CCSER1: variants seen among roughly 807,000 people sequenced by gnomAD.
CCSER1 encodes coiled-coil serine rich protein 1.
In CCSER1, 41 loss-of-function variants were observed where a neutral mutation model predicts 82.0. That is an observed-to-expected ratio of 0.50 (90% CI 0.39 to 0.65). The LOEUF (loss-of-function observed/expected upper bound fraction) is 0.65. Ranked by LOEUF, CCSER1 falls within the 30% of genes least tolerant of loss-of-function variation. The probability of loss-of-function intolerance (pLI) is 0.00; values close to 1 mark genes in which losing one functional copy is unlikely to be tolerated. For synonymous variants in CCSER1, 414 were observed against 383.9 expected (o/e 1.08, Z -0.92); for missense variants, 1,119 against 1,064.2 (o/e 1.05, Z -0.72).
chr4:90,688,262 T>C (rs17183170), intron 6 of CCSER1, among the ~76,000 whole-genome samples: 69,787 of 151,838 alleles, frequency 0.46, 16,436 homozygotes, highest in Middle Eastern at 0.58. Context: ...CCCTTATGCA[T>C]TCTGTATCCT....
intron 5 of CCSER1, among the ~76,000 whole-genome samples, chr4:90,507,927 A>T (rs2153615242): frequency 6.6e-6 from 1 of 152,008 alleles, no homozygotes; most frequent in South Asian, 2.1e-4. Flanking sequence ...GATATTTTAT[A>T]TTTTATATGG....
intron 5 of CCSER1, among the ~76,000 whole-genome samples, chr4:90,494,352 T>A (rs1441920687): frequency 6.6e-6 from 1 of 152,158 alleles, no homozygotes; most frequent in Non-Finnish European, 1.5e-5. Flanking sequence ...ATTAGACAGA[T>A]CCACGAGACA....
chr4:91,026,246 T>G (rs537732406), intron 9 of CCSER1, among the ~76,000 whole-genome samples: 11 of 152,218 alleles, frequency 7.2e-5, no homozygotes, highest in Admixed American at 4.6e-4. Context: ...AACTTTGCCA[T>G]TGTTCCTTTT....
intron 10 of CCSER1, among the ~76,000 whole-genome samples, chr4:91,519,199 T>C (rs963081594): frequency 1.3e-5 from 2 of 152,114 alleles, no homozygotes; most frequent in Non-Finnish European, 2.9e-5. Context: ...TGGAGAACAG[T>C]CCTGCCACTT....
chr4:90,411,245 A>G (rs1414957058), intron 4 of CCSER1, among the ~76,000 whole-genome samples: 1 of 152,188 alleles, frequency 6.6e-6, no homozygotes, highest in African/African-American at 2.4e-5. Context: ...ATCAATAGAA[A>G]AAGAGGGAAT....
intron 10 of CCSER1, among the ~76,000 whole-genome samples, chr4:91,432,121 C>A (rs1033739907): frequency 2.6e-5 from 4 of 152,070 alleles, no homozygotes; most frequent in African/African-American, 9.7e-5. Flanking sequence ...CCCCATCCAC[C>A]CCCTCTTGCT....
chr4:91,249,362 A>G (rs1392519932), intron 10 of CCSER1, among the ~76,000 whole-genome samples: 2 of 151,728 alleles, frequency 1.3e-5, no homozygotes, highest in African/African-American at 4.8e-5. Context: ...AGATGTGACT[A>G]CAAAAGAAAA....
intron 7 of CCSER1, among the ~76,000 whole-genome samples, chr4:90,810,458 G>C (rs1758107188): frequency 6.6e-6 from 1 of 152,086 alleles, no homozygotes; most frequent in Non-Finnish European, 1.5e-5. Flanking sequence ...GGCCAGCCTG[G>C]CCAACATGGT....
At chr4:91,016,412 T>A (rs36074312) in intron 9 of CCSER1, among the ~76,000 whole-genome samples, 8,236 of 152,082 alleles carry the variant, frequency 0.054, 249 homozygotes, top group Middle Eastern at 0.083. Context: ...TTAAATATGC[T>A]ACAGACTTCA....
At chr4:90,447,281 G>A (rs529156882) in intron 4 of CCSER1, among the ~76,000 whole-genome samples, 4 of 152,082 alleles carry the variant, frequency 2.6e-5, no homozygotes, top group African/African-American at 7.2e-5. Flanking sequence ...TAAATATGTA[G>A]TGGTGCAAAA....
At chr4:90,807,923 A>C (rs1344208193) in intron 7 of CCSER1, among the ~76,000 whole-genome samples, 1 of 152,216 alleles carries the variant, frequency 6.6e-6, no homozygotes, top group Non-Finnish European at 1.5e-5. Context: ...GAACCAAAAA[A>C]GAGTGCTAAT....
At chr4:90,757,100 A>G (rs1749655718) in intron 7 of CCSER1, among the ~76,000 whole-genome samples, 2 of 152,078 alleles carry the variant, frequency 1.3e-5, no homozygotes, top group South Asian at 4.1e-4. Flanking sequence ...TATTTGTCTC[A>G]CTTTTGAAAT....
At chr4:91,533,440 A>G (rs1761135979) in intron 10 of CCSER1, among the ~76,000 whole-genome samples, 1 of 152,162 alleles carries the variant, frequency 6.6e-6, no homozygotes, top group African/African-American at 2.4e-5. Context: ...TTTCTTCTTT[A>G]TCCTTCCCAA....
chr4:90,133,339 A>G (rs1445032959), intron 1 of CCSER1, among the ~76,000 whole-genome samples: 1 of 152,222 alleles, frequency 6.6e-6, no homozygotes, highest in Non-Finnish European at 1.5e-5. Flanking sequence ...TTAACTGGAT[A>G]GTAATGACTG....
intron 7 of CCSER1, chr4:90,781,637 C>G: frequency 3.1e-6 from 3 of 972,488 alleles, no homozygotes; most frequent in South Asian, 9.5e-5. Context: ...TTTCTGTGTT[C>G]TCTTGAAAGT....
chr4:90,156,323 G>A (rs1178203874), intron 1 of CCSER1, among the ~76,000 whole-genome samples: 4 of 152,172 alleles, frequency 2.6e-5, no homozygotes, highest in African/African-American at 9.7e-5. Context: ...TAGGTATGGT[G>A]TGGTGCTGAA....
chr4:90,207,950 G>A (rs1262526863), intron 1 of CCSER1, among the ~76,000 whole-genome samples: 6 of 152,308 alleles, frequency 3.9e-5, no homozygotes, highest in African/African-American at 1.2e-4. Context: ...GCTGGGAGGT[G>A]TCTCCCAGTC....
At chr4:90,228,837 G>C (rs1199546801) in intron 1 of CCSER1, among the ~76,000 whole-genome samples, 1 of 152,176 alleles carries the variant, frequency 6.6e-6, no homozygotes, top group Non-Finnish European at 1.5e-5. Context: ...GAAGCCTCAG[G>C]AGCCGATGCG....
chr4:91,199,341 T>G (rs1735713859), intron 10 of CCSER1, among the ~76,000 whole-genome samples: 1 of 152,100 alleles, frequency 6.6e-6, no homozygotes, highest in Non-Finnish European at 1.5e-5. Flanking sequence ...GAGCAAAATT[T>G]AAGTATAAAG....
Sources: allele counts gnomAD v4.1 joint callset (sites outside exome capture counted in the v4.1 genomes callset), GRCh38; gene constraint gnomAD v4.1.1; transcripts MANE v1.5; gene names NCBI Gene and HGNC (gene_info 2026-07-23, HGNC 2026-07-21).